The following PTPRQ variants were observed in gnomAD, a reference collection of about 807,000 sequenced individuals.
The protein encoded by PTPRQ is phosphatidylinositol phosphatase PTPRQ.
A neutral mutation model predicts 246.0 loss-of-function variants in PTPRQ; 199 were observed. The ratio of observed to expected loss-of-function variants is 0.81; its 90% CI spans 0.72 to 0.91. The LOEUF is 0.91. PTPRQ is among the 40% of genes least tolerant of loss of function. The pLI is 0.00. For missense variants in PTPRQ, 2,624 were observed against 2,528.4 expected (o/e 1.04, Z -0.81); for synonymous variants, 869 against 853.2 (o/e 1.02, Z -0.32).
chr12:80,491,643 A>C (rs1287274924), intron 9 of PTPRQ, among the ~76,000 whole-genome samples: 1 of 151,946 alleles, frequency 6.6e-6, no homozygotes, highest in Non-Finnish European at 1.5e-5. Context: ...GGAGGAATGA[A>C]GATTTTTTGA....
At chr12:80,665,352 T>C (rs1214348034) in intron 39 of PTPRQ, among the ~76,000 whole-genome samples, 1 of 152,042 alleles carries the variant, frequency 6.6e-6, no homozygotes, top group Non-Finnish European at 1.5e-5. Context: ...ACCATCGCAG[T>C]GATGTCATCC....
chr12:80,575,028 G>T (rs1179516355), intron 25 of PTPRQ, among the ~76,000 whole-genome samples: 5 of 152,044 alleles, frequency 3.3e-5, no homozygotes, highest in Non-Finnish European at 4.4e-5. Context: ...CATGTTATCT[G>T]CAGAATAGTT....
chr12:80,665,474 T>C (rs900968473), intron 39 of PTPRQ, among the ~76,000 whole-genome samples: 3 of 152,036 alleles, frequency 2.0e-5, no homozygotes, highest in Non-Finnish European at 4.4e-5. Context: ...CTTCGTGGCA[T>C]TCCTACCTGA....
intron 14 of PTPRQ, among the ~76,000 whole-genome samples, chr12:80,501,412 G>A (rs938253064): frequency 1.3e-5 from 2 of 151,886 alleles, no homozygotes; most frequent in African/African-American, 4.8e-5. Context: ...GGCAGTCCAG[G>A]GAAGAGGTCA....
At chr12:80,452,339 TA>T (rs1478250174) in intron 3 of PTPRQ, among the ~76,000 whole-genome samples, 1 of 152,058 alleles carries the variant, frequency 6.6e-6, no homozygotes, top group East Asian at 1.9e-4. Context: ...CTGTGTCTTT[TA>T]ATTGGAGCAT....
intron 8 of PTPRQ, among the ~76,000 whole-genome samples, chr12:80,483,328 A>C (rs973854832): frequency 5.0e-5 from 7 of 140,062 alleles, no homozygotes; most frequent in African/African-American, 1.9e-4. Context: ...TTGAACAATG[A>C]GATCACATGG....
At chr12:80,486,873 C>G (rs961473395) in intron 9 of PTPRQ, among the ~76,000 whole-genome samples, 1 of 152,108 alleles carries the variant, frequency 6.6e-6, no homozygotes, top group East Asian at 1.9e-4. Flanking sequence ...ATCCCTCTGT[C>G]CCCCCACTTT....
chr12:80,647,035 T>A (rs937692862), intron 35 of PTPRQ, among the ~76,000 whole-genome samples: 2 of 152,182 alleles, frequency 1.3e-5, no homozygotes, highest in African/African-American at 4.8e-5. Flanking sequence ...TACTGATGCT[T>A]CAAATGGTTT....
intron 17 of PTPRQ, among the ~76,000 whole-genome samples, chr12:80,530,518 G>A (rs927835425): frequency 6.6e-5 from 10 of 152,106 alleles, no homozygotes; most frequent in Admixed American, 5.9e-4. Context: ...CTAACGAATG[G>A]TGTCTAAAGA....
Position 80,521,016 on chromosome 12 carries a change from G to A in PTPRQ, c.2678+10573G>A, listed in dbSNP as rs1246151089. Among the ~76,000 whole-genome samples the A allele has an allele frequency of 3.3e-5, 5 of 151,762 alleles. No individual in the cohort carries two copies. The East Asian group carries it at 9.6e-4, about 29-fold the overall frequency. On this transcript the variant is annotated intron_variant, in intron 17 of 44. Transcript: ENST00000644991. Reference sequence around the variant, plus strand: ...TTCCTATTTCTCCACATCCTCTCCAGCACCTGTTGTTTCCTGACTTTTTAA... The same window carrying A: ...TTCCTATTTCTCCACATCCTCTCCAACACCTGTTGTTTCCTGACTTTTTAA...
intron 7 of PTPRQ, among the ~76,000 whole-genome samples, chr12:80,471,383 G>C (rs1893619572): frequency 6.6e-6 from 1 of 150,608 alleles, no homozygotes; most frequent in Non-Finnish European, 1.5e-5. Context: ...TTAAAGTATT[G>C]TGCTGACAGA....
intron 25 of PTPRQ, among the ~76,000 whole-genome samples, chr12:80,560,342 G>T (rs1896787623): frequency 6.6e-6 from 1 of 152,148 alleles, no homozygotes; most frequent in South Asian, 2.1e-4. Flanking sequence ...CAAATGATCT[G>T]TTTCTAGTTT....
chr12:80,640,471 T>C (rs1373871782), intron 35 of PTPRQ, among the ~76,000 whole-genome samples: 1 of 152,250 alleles, frequency 6.6e-6, no homozygotes, highest in Non-Finnish European at 1.5e-5. Context: ...AAATGTTCTA[T>C]GCTTAGAATG....
chr12:80,445,631 A>T lies in PTPRQ; in HGVS notation c.304A>T (p.Thr102Ser). ...TAAGGAAGTTTGTCCGTGGATGCAA[A>T]CAGTATATACACAAGTCAGATCAAA... Reference protein sequence around the residue: ...KYKEVCPWMQTVYTQVRSKPD... With the variant: ...KYKEVCPWMQSVYTQVRSKPD... The change falls in exon 3 of 45, where the codon ACA becomes TCA. Residue 102 changes from threonine to serine, a missense_variant. Transcript: ENST00000644991. 4 of 1,550,254 alleles carry T rather than the reference A, an allele frequency of 2.6e-6. No individual in the cohort carries two copies. The highest frequency in any genetic ancestry group is 3.5e-6 in the Non-Finnish European group (4 of 1,145,944).
At chr12:80,648,140 A>T (rs1900137786) in intron 35 of PTPRQ, among the ~76,000 whole-genome samples, 1 of 152,078 alleles carries the variant, frequency 6.6e-6, no homozygotes, top group South Asian at 2.1e-4. Context: ...CTTCAATTAA[A>T]GAATATAGTA....
intron 26 of PTPRQ, among the ~76,000 whole-genome samples, chr12:80,591,521 G>C (rs1470548915): frequency 1.3e-5 from 2 of 152,036 alleles, no homozygotes; most frequent in Non-Finnish European, 2.9e-5. Flanking sequence ...AAGTTCTAGT[G>C]GGTAGGACAA....
chr12:80,606,948 G>A (rs941108494), intron 27 of PTPRQ, among the ~76,000 whole-genome samples: 5 of 150,706 alleles, frequency 3.3e-5, no homozygotes, highest in Non-Finnish European at 6.0e-5. Flanking sequence ...GTTCTCCCTT[G>A]GAAATTCTGC....
chr12:80,607,461 T>TCCTC (rs1010777671), intron 27 of PTPRQ, among the ~76,000 whole-genome samples: 3 of 139,840 alleles, frequency 2.1e-5, no homozygotes, highest in Non-Finnish European at 3.2e-5. Context: ...CTTCCTTCCT[T>TCCTC]CCTCCCTCCC....
chr12:80,667,262 C>G (rs1445961459), intron 39 of PTPRQ, among the ~76,000 whole-genome samples: 1 of 151,904 alleles, frequency 6.6e-6, no homozygotes, highest in Non-Finnish European at 1.5e-5. Flanking sequence ...GCAGGCCTCA[C>G]TTCTTTCCTT....
Sources: allele counts gnomAD v4.1 joint callset (sites outside exome capture counted in the v4.1 genomes callset), GRCh38; gene constraint gnomAD v4.1.1; transcripts MANE v1.5; gene names NCBI Gene and HGNC (gene_info 2026-07-23, HGNC 2026-07-21).